ATP2C2: variants seen among roughly 807,000 people sequenced by gnomAD.
The protein encoded by ATP2C2 is calcium-transporting ATPase type 2C member 2.
In ATP2C2, 171 loss-of-function variants were observed where a neutral mutation model predicts 110.8. The observed-to-expected ratio is 1.54, with a 90% CI of 1.36 to 1.75. The LOEUF (loss-of-function observed/expected upper bound fraction) is 1.75. ATP2C2 is among the 40% of genes most tolerant of loss of function. The probability of loss-of-function intolerance (pLI) is 0.00; values close to 1 mark genes in which losing one functional copy is unlikely to be tolerated. For synonymous variants in ATP2C2, 804 were observed against 508.4 expected, an observed-to-expected ratio of 1.58 and a Z score of -7.82; for missense variants, 1,963 against 1,235.0, an observed-to-expected ratio of 1.59 and a Z score of -8.84.
At chr16:84,425,577 TAGAAAAG>T (rs1160968713) in intron 10 of ATP2C2, among the ~76,000 whole-genome samples, 151 bp from the exon 11 acceptor site, 17 of 152,254 alleles carry the variant, frequency 1.1e-4, no homozygotes, top group African/African-American at 4.1e-4. Context: ...GTATCTCCCT[TAGAAAAG>T]AGAAGAGACG....
intron 18 of ATP2C2, 147 bp from the exon 19 acceptor site, chr16:84,452,991 A>G (rs1910433493): frequency 1.3e-6 from 1 of 749,182 alleles, no homozygotes; most frequent in African/African-American, 1.8e-5. Context: ...TGTGGATAGA[A>G]CCGAGGCCGT....
In ATP2C2 at chr16:84,445,106, G is replaced by A. The variant is rs112775923; in HGVS notation, c.1402-1223G>A. Among the ~76,000 whole-genome samples the A allele has an allele frequency of 5.7e-3, 870 of 152,292 alleles. 11 individuals carry two copies. Among genetic ancestry groups the A allele is most frequent in the African/African-American group, 0.02 (811 of 41,554 alleles). On this transcript the variant is annotated intron_variant, in intron 15 of 26. Coordinates refer to ENST00000262429, the MANE Select transcript of ATP2C2 (RefSeq NM_014861.4). ...GTTTCTGGGTGTTACTGGCAGCCCC[G>A]GGCGTTCCTTGACTCGCAGACGCAT...
chr16:84,391,145 A>G (rs1904639981), intron 1 of ATP2C2, among the ~76,000 whole-genome samples: 2 of 151,124 alleles, frequency 1.3e-5, no homozygotes, highest in Admixed American at 6.6e-5. Context: ...GAAGAAGAAG[A>G]AGGGAAGGTT....
chr16:84,454,099 C>G (rs1910569773), intron 20 of ATP2C2, among the ~76,000 whole-genome samples: 1 of 152,162 alleles, frequency 6.6e-6, no homozygotes, highest in Non-Finnish European at 1.5e-5. Flanking sequence ...TCTTCGCCTC[C>G]CAAAGTGCTG....
intron 1 of ATP2C2, among the ~76,000 whole-genome samples, chr16:84,377,913 G>A (rs746296000): frequency 4.6e-5 from 7 of 152,152 alleles, no homozygotes; most frequent in South Asian, 2.1e-4. Context: ...CAGGAGAAGC[G>A]GGCATGGTGC....
rs778190381 is a variant in ATP2C2 at position 84,442,550 on chromosome 16, C to A, written c.1352C>A (p.Ala451Asp). The A allele has an allele frequency of 1.4e-5, 23 of 1,613,766 alleles. No homozygotes were observed. The highest frequency in any genetic ancestry group is 1.9e-5 in the Non-Finnish European group (23 of 1,179,946). Residue 451 changes from alanine to aspartate, a missense_variant, in exon 15 of 27, where the codon GCC becomes GAC. Coordinates refer to ENST00000262429, the MANE Select transcript of ATP2C2 (RefSeq NM_014861.4). The stretch of plus-strand genomic sequence containing the variant: ...AACAATGCGGTCATCAGAAAGAACG[C>A]CGTGATGGGGCAGCCCACCGAGGGT... Reference protein sequence around the residue: ...VANNAVIRKNAVMGQPTEGAL... With the variant: ...VANNAVIRKNDVMGQPTEGAL...
intron 11 of ATP2C2, among the ~76,000 whole-genome samples, chr16:84,438,434 C>G (rs1417014391): frequency 6.6e-6 from 1 of 152,186 alleles, no homozygotes; most frequent in Non-Finnish European, 1.5e-5. Flanking sequence ...GCCCCCTCTA[C>G]ACATGCTCTC....
Position 84,439,475 on chromosome 16 carries a change from A to G in ATP2C2, c.1160A>G (p.Asn387Ser), listed in dbSNP as rs200192229. 1,060 of 1,614,196 alleles carry G rather than the reference A, an allele frequency of 6.6e-4. 3 individuals are homozygous for G. Among genetic ancestry groups the G allele is most frequent in the Admixed American group, 8.7e-4 (52 of 60,020 alleles). ...CSDKTGTLTA[N>S]EMTVTQLVTS... ...GACAAGACGGGGACTCTGACTGCCA[A>G]TGAAATGACAGTGACCCAGCTTGTA... Residue 387 changes from asparagine (N) to serine (S), a missense_variant, in exon 13 of 27, where the codon AAT becomes AGT. Physicochemically the swap from Asn to Ser is conservative, Grantham distance 46 (BLOSUM62 1). Coordinates refer to ENST00000262429, the MANE Select transcript of ATP2C2 (RefSeq NM_014861.4).
intron 11 of ATP2C2, among the ~76,000 whole-genome samples, chr16:84,437,388 T>A (rs796843570): frequency 2.1e-4 from 32 of 151,854 alleles, no homozygotes; most frequent in Middle Eastern, 3.4e-3. Context: ...ATATATAATT[T>A]TTTTTTTTGT....
intron 6 of ATP2C2, among the ~76,000 whole-genome samples, chr16:84,411,141 A>G (rs540630131): frequency 6.6e-6 from 1 of 152,290 alleles, no homozygotes; most frequent in South Asian, 2.1e-4. Flanking sequence ...GAATGGTCTC[A>G]GGAGAGTGAG....
intron 21 of ATP2C2, among the ~76,000 whole-genome samples, 179 bp downstream of exon 21, chr16:84,455,163 A>G (rs1010728105): frequency 2.6e-5 from 4 of 151,930 alleles, no homozygotes; most frequent in African/African-American, 9.7e-5. Context: ...ACAGCCTCTC[A>G]TAGCAGGGTC....
rs191299491 is a variant in ATP2C2 at position 84,394,047 on chromosome 16, C to G, written c.100-4452C>G. On this transcript the variant is annotated intron_variant, in intron 1 of 26. Coordinates refer to ENST00000262429, the MANE Select transcript of ATP2C2 (RefSeq NM_014861.4). ...AAAATAAAAAGGCCTGGTGTGATGA[C>G]ACACACCTGTAGTCCTAGCTTCTCA... Among the ~76,000 whole-genome samples, 14 of 150,172 alleles carry G rather than the reference C, an allele frequency of 9.3e-5. No individual in the cohort carries two copies. The East Asian group carries it at 2.1e-3, about 23-fold the overall frequency.
Position 84,442,514 on chromosome 16 carries a change from G to C in ATP2C2, c.1316G>C (p.Gly439Ala). 3.1e-6 allele frequency: 5 copies of C among 1,614,030 alleles called. No homozygotes were observed. Among genetic ancestry groups the C allele is most frequent in the Non-Finnish European group, 4.2e-6 (5 of 1,179,902 alleles). ...GTCCGGACAATCCCCTTTTAGGCGG[G>C]CTGTGTTGCCAACAATGCGGTCATC... ...NVSVGKLVEA[G>A]CVANNAVIRK... Residue 439 changes from glycine to alanine, a missense_variant, in exon 15 of 27, where the codon GGC becomes GCC. By Grantham distance (60) the Gly-to-Ala change is moderately conservative (BLOSUM62 0). Transcript: ENST00000262429.
At chr16:84,458,548 C>G (rs960425448) in intron 21 of ATP2C2, among the ~76,000 whole-genome samples, 2 of 145,534 alleles carry the variant, frequency 1.4e-5, no homozygotes, top group Admixed American at 1.3e-4. Flanking sequence ...CTCTATAGTT[C>G]TTTTCAAAAT....
intron 11 of ATP2C2, among the ~76,000 whole-genome samples, chr16:84,431,283 G>C (rs1041667597): frequency 3.3e-5 from 5 of 152,118 alleles, no homozygotes; most frequent in African/African-American, 7.2e-5. Flanking sequence ...CAGATCACTT[G>C]AGATCAGGAG....
intron 10 of ATP2C2, among the ~76,000 whole-genome samples, chr16:84,425,220 A>G (rs1567714911): frequency 6.6e-6 from 1 of 152,086 alleles, no homozygotes; most frequent in Non-Finnish European, 1.5e-5. Flanking sequence ...CCCAGTCCCT[A>G]CTCACACCTC....
chr16:84,381,689 C>T (rs979469793), intron 1 of ATP2C2, among the ~76,000 whole-genome samples: 3 of 152,262 alleles, frequency 2.0e-5, no homozygotes, highest in African/African-American at 7.2e-5. Context: ...CATATTCCTG[C>T]AGTGTATGTG....
At chr16:84,425,881 G>A in intron 11 of ATP2C2, 80 bp downstream of exon 11, 1 of 1,533,904 alleles carries the variant, frequency 6.5e-7, no homozygotes, top group Non-Finnish European at 9.0e-7. Flanking sequence ...AGAGAAGGTG[G>A]GGAGGCTGCA....
Position 84,423,224 on chromosome 16 carries a change from C to G in ATP2C2, c.880C>G (p.Leu294Val), listed in dbSNP as rs1050070221. ...TCCTTTGCAGAAAAGCATGGACAGG[C>G]TAGGAAAGCAACTGACACTCTTCTC... is the stretch of plus-strand genomic sequence containing the variant. ...KTPLQKSMDR[L>V]GKQLTLFSFG... The change falls in exon 10 of 27, where the codon CTA becomes GTA. Residue 294 changes from leucine (L) to valine (V), a missense_variant. Coordinates refer to ENST00000262429, the MANE Select transcript of ATP2C2 (RefSeq NM_014861.4). 4 of 1,613,994 alleles carry G rather than the reference C, an allele frequency of 2.5e-6. No homozygotes were observed. The African/African-American group carries it at 5.3e-5, about 22-fold the overall frequency.
Sources: allele counts gnomAD v4.1 joint callset (sites outside exome capture counted in the v4.1 genomes callset), GRCh38; gene constraint gnomAD v4.1.1; transcripts MANE v1.5; gene names NCBI Gene and HGNC (gene_info 2026-07-23, HGNC 2026-07-21).